The following SMAD7 variants were observed in gnomAD, a reference collection of about 807,000 sequenced individuals.
SMAD7 encodes the protein SMAD family member 7.
SMAD7 carries 8 observed loss-of-function variants against 38.7 expected under a neutral mutation model. That is an observed-to-expected ratio of 0.21 (90% confidence interval 0.12 to 0.37). The LOEUF is 0.37. Among genes scored for constraint, SMAD7 ranks in the 10% least tolerant of loss-of-function variants. The pLI is 1.00. For synonymous variants in SMAD7, 327 were observed against 265.1 expected, an observed-to-expected ratio of 1.23 and a Z score of -2.27; for missense variants, 477 against 577.9, an observed-to-expected ratio of 0.83 and a Z score of 1.79.
intron 3 of SMAD7, among the ~76,000 whole-genome samples, chr18:48,931,299 T>C (rs975665574): frequency 6.6e-5 from 10 of 152,230 alleles, no homozygotes; most frequent in African/African-American, 2.4e-4. Flanking sequence ...TTAAAAATTG[T>C]TAATATGGTA....
rs746279932 is a variant in SMAD7 at position 48,948,389 on chromosome 18, G to A, written c.662C>T (p.Pro221Leu). The A allele has an allele frequency of 3.8e-6, 6 of 1,594,296 alleles. No individual in the cohort carries two copies. Among genetic ancestry groups the A allele is most frequent in the African/African-American group, 1.4e-5 (1 of 74,036 alleles). The change falls in exon 2 of 4, where the codon CCA (proline) becomes CTA (leucine). Residue 221 changes from proline to leucine, a missense_variant. Around this residue, in one of 2 missense-constraint regions of SMAD7, gnomAD observed 376 missense variants for 379.4 expected, o/e 0.99. Coordinates refer to ENST00000262158, the MANE Select transcript of SMAD7 (RefSeq NM_005904.4). ...TTTAAAAATCATCTACTCACCAGTTGGTTTGAGAAAATCCATCGGGTATCT... is the reference window on the plus strand; with the variant it reads ...TTTAAAAATCATCTACTCACCAGTTAGTTTGAGAAAATCCATCGGGTATCT... ...YSRYPMDFLKPTADCPDAVPS... is the reference protein window; with the variant it reads ...YSRYPMDFLKLTADCPDAVPS...
At chr18:48,922,057 C>G (rs543458974) in intron 3 of SMAD7, 147 bp from the exon 4 acceptor site, 184 of 655,712 alleles carry the variant, frequency 2.8e-4, no homozygotes, top group Non-Finnish European at 4.4e-4. Flanking sequence ...TAGTCCTGGA[C>G]TTGCCCAGGC....
intron 2 of SMAD7, among the ~76,000 whole-genome samples, chr18:48,947,148 TA>T (rs1309392774): frequency 1.3e-5 from 2 of 152,216 alleles, no homozygotes. Flanking sequence ...ATCTCCTTAT[TA>T]ATAACCATTT....
At position 48,950,407 on chromosome 18, in the gene SMAD7, T is replaced by C; in HGVS notation, c.18A>G (p.Arg6=). MFRTK[R]SALVRRLWRS... ...TCCAGAGACGCCGGACGAGCGCAGA[T>C]CGTTTGGTCCTGAACATGCGGGGCG... The change falls in exon 1 of 4, where the codon CGA becomes CGG. Residue 6 remains arginine, a synonymous_variant. Transcript: ENST00000262158. 3.2e-6 allele frequency: 5 copies of C among 1,552,742 alleles called. No homozygotes were observed. Among genetic ancestry groups the C allele is most frequent in the African/African-American group, 1.4e-5 (1 of 71,198 alleles).
At chr18:48,940,052 CA>C (rs899354690) in intron 3 of SMAD7, among the ~76,000 whole-genome samples, 1 of 152,138 alleles carries the variant, frequency 6.6e-6, no homozygotes, top group Admixed American at 6.5e-5. Flanking sequence ...ATTCTCGCTA[CA>C]AAGAGGACAG....
At chr18:48,923,634 G>A (rs1352884591) in intron 3 of SMAD7, among the ~76,000 whole-genome samples, 1 of 152,150 alleles carries the variant, frequency 6.6e-6, no homozygotes, top group Non-Finnish European at 1.5e-5. Flanking sequence ...CTTCCCAAAT[G>A]CCTGCCCCAA....
At chr18:48,937,888 C>G (rs1170323266) in intron 3 of SMAD7, among the ~76,000 whole-genome samples, 1 of 152,222 alleles carries the variant, frequency 6.6e-6, no homozygotes, top group African/African-American at 2.4e-5. Context: ...CCTGTGCCCC[C>G]TGCCCTCACT....
At position 48,921,744 on chromosome 18, in the gene SMAD7, C is replaced by T. The variant is rs144238958; in HGVS notation, c.909G>A (p.Ser303=). The T allele has an allele frequency of 1.3e-4, 217 of 1,613,998 alleles. 1 individual carries two copies. The highest frequency in any genetic ancestry group is 1.6e-4 in the Non-Finnish European group (189 of 1,180,042). Residue 303 remains serine, a synonymous_variant, in exon 4 of 4, where the codon TCG becomes TCA. Coordinates refer to ENST00000262158, the MANE Select transcript of SMAD7 (RefSeq NM_005904.4). The surrounding 1 kb of genome is among the most constrained non-coding windows in gnomAD (Gnocchi z 6.4). The part of the protein sequence containing the change: ...GNGFCLGQLN[S]DNKSQLVQKV... ...TCTGCACCAGCTGACTCTTGTTGTCCGAATTGAGCTGTCCGAGGCAAAAGC... is the reference window on the plus strand; with the variant it reads ...TCTGCACCAGCTGACTCTTGTTGTCTGAATTGAGCTGTCCGAGGCAAAAGC...
intron 2 of SMAD7, chr18:48,942,772 C>T: frequency 1.4e-6 from 2 of 1,404,718 alleles, no homozygotes; most frequent in South Asian, 3.0e-5. Context: ...TCCGGGCAGC[C>T]AGTTAATCAT....
intron 3 of SMAD7, among the ~76,000 whole-genome samples, chr18:48,927,046 G>C (rs1014421724): frequency 4.6e-5 from 7 of 152,148 alleles, no homozygotes; most frequent in Admixed American, 4.6e-4. Context: ...AACTTTAAGG[G>C]GCTGTCTCTA....
chr18:48,928,087 C>G (rs543577388), intron 3 of SMAD7, among the ~76,000 whole-genome samples: 1 of 152,250 alleles, frequency 6.6e-6, no homozygotes, highest in Non-Finnish European at 1.5e-5. Flanking sequence ...TGGGGTGCAA[C>G]TCCCCTGCAG....
chr18:48,930,860 G>A (rs1568300162), intron 3 of SMAD7, among the ~76,000 whole-genome samples: 1 of 152,226 alleles, frequency 6.6e-6, no homozygotes, highest in Non-Finnish European at 1.5e-5. Context: ...AGTGGTATTT[G>A]CACATCCATG....
At chr18:48,934,130 G>A (rs1372082722) in intron 3 of SMAD7, among the ~76,000 whole-genome samples, 17 of 152,126 alleles carry the variant, frequency 1.1e-4, no homozygotes, top group Admixed American at 1.1e-3. Context: ...ACCACTGTAG[G>A]GCTGTGATAA....
In SMAD7 at chr18:48,938,082, G is replaced by A. The variant is rs532468753; in HGVS notation, c.742+4399C>T. Among the ~76,000 whole-genome samples, 3 of 152,334 alleles carry A rather than the reference G, an allele frequency of 2.0e-5. No individual in the cohort carries two copies. In the South Asian group the frequency reaches 6.2e-4, roughly 32 times the overall value. On this transcript the variant is annotated intron_variant, in intron 3 of 3. Transcript: ENST00000262158. ...AGCTGATTAACTTTCCTTAAAACAG[G>A]ATGGAGCAATGTTTCCTAAGCTACT...
intron 3 of SMAD7, among the ~76,000 whole-genome samples, chr18:48,931,522 C>A (rs886757944): frequency 6.6e-6 from 1 of 152,192 alleles, no homozygotes; most frequent in African/African-American, 2.4e-5. Context: ...CCTCAGCTTT[C>A]ACCCATACTT....
At chr18:48,924,215 C>T (rs890631879) in intron 3 of SMAD7, among the ~76,000 whole-genome samples, 19 of 1,984 alleles carry the variant, frequency 9.6e-3, no homozygotes, top group South Asian at 0.023. Flanking sequence ...GGGAAGGAGG[C>T]GGGAGGGAGG....
At chr18:48,922,229 C>G (rs2069870982) in intron 3 of SMAD7, among the ~76,000 whole-genome samples, 1 of 152,186 alleles carries the variant, frequency 6.6e-6, no homozygotes, top group African/African-American at 2.4e-5. Context: ...GCAAAGGGAC[C>G]CTTAATAGCT....
In SMAD7 at chr18:48,921,924, T is replaced by A; in HGVS notation, c.743-14A>T. ...GAAGTTGGGAATCTAGAAAACACATTGGCAGAGAGGGTTAGTGGGGACAGG... is the reference window on the plus strand; with the variant it reads ...GAAGTTGGGAATCTAGAAAACACATAGGCAGAGAGGGTTAGTGGGGACAGG... On this transcript the variant is annotated splice_polypyrimidine_tract_variant and intron_variant, in intron 3 of 3. Coordinates refer to ENST00000262158, the MANE Select transcript of SMAD7 (RefSeq NM_005904.4). The surrounding 1 kb of genome is among the most constrained non-coding windows in gnomAD (Gnocchi z 6.4). 1.9e-6 allele frequency: 3 copies of A among 1,583,380 alleles called. No homozygotes were observed. Among genetic ancestry groups the A allele is most frequent in the East Asian group, 4.5e-5 (2 of 44,740 alleles).
chr18:48,929,382 G>A (rs575706577), intron 3 of SMAD7, among the ~76,000 whole-genome samples: 3 of 152,142 alleles, frequency 2.0e-5, no homozygotes, highest in Non-Finnish European at 2.9e-5. Flanking sequence ...AAAGTCTGTC[G>A]TGTCCAAGAG....
Sources: allele counts gnomAD v4.1 joint callset (sites outside exome capture counted in the v4.1 genomes callset), GRCh38; gene constraint gnomAD v4.1.1; regional missense constraint gnomAD v4.1.1; non-coding constraint Gnocchi (gnomAD v3.1); transcripts MANE v1.5; gene names NCBI Gene and HGNC (gene_info 2026-07-23, HGNC 2026-07-21).